Variants in CCDC187 observed in about 807,000 individuals in gnomAD.
CCDC187 encodes coiled-coil domain-containing protein 187.
CCDC187 carries 32 observed loss-of-function variants against 38.0 expected under a neutral mutation model. That is an observed-to-expected ratio of 0.84 (90% CI 0.64 to 1.13). The LOEUF is 1.13. Ranked by LOEUF, CCDC187 falls within the 50% of genes most tolerant of loss-of-function variation. CCDC187 has a pLI of 0.00. For synonymous variants in CCDC187, 333 were observed against 347.9 expected, an observed-to-expected ratio of 0.96 and a Z score of 0.48; for missense variants, 707 against 786.8, an observed-to-expected ratio of 0.90 and a Z score of 1.21.
At position 136,253,406 on chromosome 9, in the gene CCDC187, G is replaced by T; in HGVS notation, c.*188C>A. 6.1e-6 allele frequency: 1 copy of T among 163,450 alleles called. No homozygotes were observed. The highest frequency in any genetic ancestry group is 2.0e-4 in the South Asian group (1 of 5,030). The allele number at this position is 163,450 out of a possible 1,614,324, so 10.1% of individuals were successfully genotyped here. ...AGAGGCCACTCTGGATGGAGCTGGG[G>T]GCTGCACTGATGGCCCTGGGAGCCC... On this transcript the variant is annotated 3_prime_UTR_variant, in exon 26 of 26. Coordinates refer to ENST00000638797, the MANE Select transcript of CCDC187 (RefSeq NM_001378188.1).
At chr9:136,285,985 A>G (rs36126793) in intron 8 of CCDC187, 100 bp downstream of exon 8, 231,727 of 397,370 alleles carry the variant, frequency 0.58, 69,027 homozygotes, top group Non-Finnish European at 0.62. Flanking sequence ...CTTTCCAGAA[A>G]GGAAACCAAG....
At chr9:136,287,877 ATAGAGATAGGGTCTCAC>A (rs1831218774) in intron 7 of CCDC187, among the ~76,000 whole-genome samples, 1 of 152,106 alleles carries the variant, frequency 6.6e-6, no homozygotes, top group African/African-American at 2.4e-5. Flanking sequence ...TCTGGAGAAA[ATAGAGATAGGGTCTCAC>A]TATGTTGTCC....
Position 136,290,474 on chromosome 9 carries a change from C to A in CCDC187, c.2127+12G>T, listed in dbSNP as rs1564321613. 3 of 398,720 alleles carry A rather than the reference C, an allele frequency of 7.5e-6. No homozygotes were observed. In the East Asian group the frequency reaches 1.1e-4, roughly 14 times the overall value. 24.7% of individuals were successfully genotyped at this position (398,720 alleles called of 1,614,324 possible). A position where few individuals can be genotyped will look rare whatever the true frequency, so the allele number is the denominator to read the frequency against. ...CTGAGCCGAGTCCCCCCAACCCAACCCCAGCATGTACCCCGGACTGTGCAG... is the reference window on the plus strand; with the variant it reads ...CTGAGCCGAGTCCCCCCAACCCAACACCAGCATGTACCCCGGACTGTGCAG... On this transcript the variant is annotated intron_variant, in intron 6 of 25. Transcript: ENST00000638797.
intron 15 of CCDC187, 32 bp downstream of exon 15, chr9:136,268,017 G>A (rs1830779442): frequency 4.1e-6 from 4 of 985,240 alleles, no homozygotes; most frequent in Non-Finnish European, 4.8e-6. Flanking sequence ...TCCTGAAATT[G>A]TGCCTCTCCC....
intron 14 of CCDC187, among the ~76,000 whole-genome samples, chr9:136,272,338 C>A (rs554880961): frequency 6.6e-6 from 1 of 152,280 alleles, no homozygotes; most frequent in East Asian, 1.9e-4. Flanking sequence ...AAAATGATAA[C>A]AATGTATCGC....
rs187731870 is a variant in CCDC187, at chr9:136,264,422, T to C, written c.3736-624A>G. On this transcript the variant is annotated intron_variant, in intron 17 of 25. Transcript: ENST00000638797. This position sits in a 1 kb window ranked among gnomAD's most constrained non-coding sequence, Gnocchi z 4.3. The stretch of plus-strand genomic sequence containing the variant: ...TCCAGCTCCTCCCGCCTGGGATCCC[T>C]GGGCAGCGCCTGTTCTGCCAGGCCC... 7.9e-4 allele frequency among the ~76,000 whole-genome samples: 121 copies of C among 152,290 alleles called. No homozygotes were observed. The highest frequency in any genetic ancestry group is 2.9e-3 in the African/African-American group (119 of 41,566).
chr9:136,302,837 AT>A lies in CCDC187; in HGVS notation c.599del (p.Asn200IlefsTer14). The A allele has an allele frequency of 2.5e-6, 1 of 398,400 alleles. No individual in the cohort carries two copies. The highest frequency in any genetic ancestry group is 4.4e-6 in the Non-Finnish European group (1 of 226,092). 24.7% of individuals were successfully genotyped at this position (398,400 alleles called of 1,614,324 possible). ...CTGAGCATTCAGGGGCTGGAGGGGG[AT>A]TTTTTGCCTCTTGGCCTTTCCTCCT... is the stretch of plus-strand genomic sequence containing the variant. The part of the protein sequence containing the change: ...MLRRKGQEAK[N>X]PPPAPECSGF... On this transcript the variant is annotated frameshift_variant, in exon 2 of 26. Transcript: ENST00000638797. LOFTEE classifies it high-confidence loss of function.
Position 136,291,405 on chromosome 9 carries a change from C to T in CCDC187, c.1208G>A (p.Arg403Gln), listed in dbSNP as rs894658198. 8 of 398,908 alleles carry T rather than the reference C, an allele frequency of 2.0e-5. No individual in the cohort carries two copies. The highest frequency in any genetic ancestry group is 1.3e-4 in the South Asian group (1 of 7,872). 24.7% of individuals were successfully genotyped at this position (398,908 alleles called of 1,614,324 possible). ...CCTCCCTGCCACGTCCTGCAGCCTC[C>T]GCTTTGATGGCCCGAGCTCTTGCCC... The part of the protein sequence containing the change: ...KGGQELGPSK[R>Q]RLQDVAGRGC... Residue 403 changes from arginine to glutamine, a missense_variant, in exon 6 of 26, where the codon CGG (arginine) becomes CAG (glutamine). Arg to Gln is a conservative substitution (Grantham distance 43). Coordinates refer to ENST00000638797, the MANE Select transcript of CCDC187 (RefSeq NM_001378188.1).
In CCDC187 at chr9:136,268,127, T is replaced by TG. The variant is rs1554761932; in HGVS notation, c.3443-3dup. The TG allele has an allele frequency of 1.0e-6, 1 of 985,326 alleles. No homozygotes were observed. The highest frequency in any genetic ancestry group is 1.7e-5 in the African/African-American group (1 of 57,228). The allele number at this position is 985,326 out of a possible 1,614,324, so 61.0% of individuals were successfully genotyped here. A position where few individuals can be genotyped will look rare whatever the true frequency, so the allele number is the denominator to read the frequency against. ...GGGCTCCGTCAGGGCCCTCCACCTC[T>TG]GAGGAAGGAAGCGCCATGGTTGGGT... On this transcript the variant is annotated splice_polypyrimidine_tract_variant and splice_region_variant and intron_variant, in intron 14 of 25. Transcript: ENST00000638797.
rs1177574495 is a variant in CCDC187, at chr9:136,286,832, G to A, written c.2223-137C>T. On this transcript the variant is annotated intron_variant, in intron 7 of 25. Coordinates refer to ENST00000638797, the MANE Select transcript of CCDC187 (RefSeq NM_001378188.1). ...CCAGTGTCTGTCCGCAGGGACCAGG[G>A]AAGCGGTGACGGTATCCACACAACA... 3 of 397,448 alleles carry A rather than the reference G, an allele frequency of 7.5e-6. No homozygotes were observed. The East Asian group carries it at 1.1e-4, about 14-fold the overall frequency. The allele number at this position is 397,448 out of a possible 1,614,324, so 24.6% of individuals were successfully genotyped here.
chr9:136,273,704 A>T (rs1333937621), intron 14 of CCDC187, among the ~76,000 whole-genome samples: 1 of 152,254 alleles, frequency 6.6e-6, no homozygotes, highest in Non-Finnish European at 1.5e-5. Flanking sequence ...ACAACAGAAT[A>T]GACATTGTTT....
chr9:136,305,204 C>T (rs1228154910), upstream of CCDC187, among the ~76,000 whole-genome samples: 2 of 152,380 alleles, frequency 1.3e-5, no homozygotes, highest in East Asian at 1.9e-4. Flanking sequence ...GGCCTGTCTG[C>T]ACCCTCCTAG....
chr9:136,273,014 T>C (rs1830866252), intron 14 of CCDC187, among the ~76,000 whole-genome samples: 2 of 152,130 alleles, frequency 1.3e-5, no homozygotes, highest in South Asian at 4.1e-4. Flanking sequence ...ACTAAAATAA[T>C]AAGAGTTATA....
At position 136,297,717 on chromosome 9, in the gene CCDC187, C is replaced by T. The variant is rs1294153539; in HGVS notation, c.829G>A (p.Glu277Lys). ...RRAAKDKHKD[E>K]DSELVGVYAW... The stretch of plus-strand genomic sequence containing the variant: ...GCCCCAAAATAGCAAACCTTACCTT[C>T]GTCTTTGTGTTTGTCTTTGGCCGCT... The change falls in exon 4 of 26, where the codon GAA becomes AAA. Residue 277 changes from glutamate (E) to lysine (K), a missense_variant. Glu to Lys is a moderately conservative substitution (Grantham distance 56, BLOSUM62 1). Coordinates refer to ENST00000638797, the MANE Select transcript of CCDC187 (RefSeq NM_001378188.1). 5 of 398,702 alleles carry T rather than the reference C, an allele frequency of 1.3e-5. No individual in the cohort carries two copies. The highest frequency in any genetic ancestry group is 6.2e-5 in the African/African-American group (3 of 48,634). The allele number at this position is 398,702 out of a possible 1,614,324, so 24.7% of individuals were successfully genotyped here.
In CCDC187 at chr9:136,293,335, ACT is replaced by A. The variant is rs1473060357; in HGVS notation, c.833-1042_833-1041del. ...CACACTCACACTCACATGCTTACACACTCACACTCACATGCTCACACACATTC... is the reference window on the plus strand; with the variant it reads ...CACACTCACACTCACATGCTTACACACACACTCACATGCTCACACACATTC... On this transcript the variant is annotated intron_variant, in intron 4 of 25. Transcript: ENST00000638797. Among the ~76,000 whole-genome samples the A allele has an allele frequency of 2.1e-3, 308 of 146,980 alleles. 3 individuals carry two copies. The highest frequency in any genetic ancestry group is 3.9e-3 in the Middle Eastern group (1 of 256).
chr9:136,282,930 A>G (rs1831081775), intron 9 of CCDC187, among the ~76,000 whole-genome samples: 1 of 152,360 alleles, frequency 6.6e-6, no homozygotes, highest in Admixed American at 6.5e-5. Flanking sequence ...CCCATGGGAC[A>G]GAGGGGACAG....
Position 136,295,521 on chromosome 9 carries a change from A to G in CCDC187, c.832+2193T>C, listed in dbSNP as rs894442612. Reference sequence around the variant, plus strand: ...AAAAAATGCAAAGTGAGGTGATATAATCTGAAATTAAATATCAGGCTTCAT... The same window carrying G: ...AAAAAATGCAAAGTGAGGTGATATAGTCTGAAATTAAATATCAGGCTTCAT... On this transcript the variant is annotated intron_variant, in intron 4 of 25. Transcript: ENST00000638797. Among the ~76,000 whole-genome samples, 349 of 152,364 alleles carry G rather than the reference A, an allele frequency of 2.3e-3. 2 individuals are homozygous for G. Among genetic ancestry groups the G allele is most frequent in the African/African-American group, 7.9e-3 (327 of 41,580 alleles).
Position 136,254,856 on chromosome 9 carries a change from G to C in CCDC187, c.4972C>G (p.Pro1658Ala), listed in dbSNP as rs1375609451. 16 of 985,498 alleles carry C rather than the reference G, an allele frequency of 1.6e-5. No homozygotes were observed. The African/African-American group carries it at 2.8e-4, about 17-fold the overall frequency. 61.0% of individuals were successfully genotyped at this position (985,498 alleles called of 1,614,324 possible). ...CCAGGCCAGCTGAAACCTTCGTCTG[G>C]GGAGTCTTCAGCTTCCAAGCTGGGA... ...SLPSLEAEDS[P>A]DEGFSWPGEL... Residue 1658 changes from proline to alanine, a missense_variant, in exon 26 of 26, where the codon CCA becomes GCA. Coordinates refer to ENST00000638797, the MANE Select transcript of CCDC187 (RefSeq NM_001378188.1).
At chr9:136,302,270 CAG>C (rs1831704706) in intron 2 of CCDC187, among the ~76,000 whole-genome samples, 1 of 152,154 alleles carries the variant, frequency 6.6e-6, no homozygotes, top group Non-Finnish European at 1.5e-5. Context: ...TACCTGGACA[CAG>C]AGAATCCACA....
Sources: allele counts gnomAD v4.1 joint callset (sites outside exome capture counted in the v4.1 genomes callset), GRCh38; gene constraint gnomAD v4.1.1; non-coding constraint Gnocchi (gnomAD v3.1); transcripts MANE v1.5; gene names NCBI Gene and HGNC (gene_info 2026-07-23, HGNC 2026-07-21).